DLG2: variants seen among roughly 807,000 people sequenced by gnomAD.
DLG2 encodes the protein discs large MAGUK scaffold protein 2, also known as disks large homolog 2.
In DLG2, 45 loss-of-function variants were observed where a neutral mutation model predicts 132.5. That is an observed-to-expected ratio of 0.34 (90% CI 0.27 to 0.44). DLG2 has a LOEUF of 0.44. DLG2 is among the 20% of genes least tolerant of loss of function. DLG2 has a pLI of 1.00. For synonymous variants in DLG2, 424 were observed against 419.6 expected (o/e 1.01, Z -0.13); for missense variants, 1,045 against 1,196.9 (o/e 0.87, Z 1.87).
chr11:84,798,470 G>A (rs537286017), intron 6 of DLG2, among the ~76,000 whole-genome samples: 104 of 152,284 alleles, frequency 6.8e-4, no homozygotes, highest in Non-Finnish European at 9.7e-4. Context: ...ACTGGCCCAT[G>A]GGGCATTCTG....
At chr11:85,044,992 G>A (rs1044745317) in intron 6 of DLG2, among the ~76,000 whole-genome samples, 4 of 151,958 alleles carry the variant, frequency 2.6e-5, no homozygotes, top group African/African-American at 9.7e-5. Context: ...AATTCATTTT[G>A]CTTTTCATGA....
At chr11:83,933,441 A>T (rs1446914558) in intron 14 of DLG2, among the ~76,000 whole-genome samples, 1 of 152,232 alleles carries the variant, frequency 6.6e-6, no homozygotes, top group Non-Finnish European at 1.5e-5. Context: ...AGAGCCATAG[A>T]TAATGACGTT....
chr11:84,020,544 A>G (rs935344153), intron 11 of DLG2, among the ~76,000 whole-genome samples: 5 of 152,222 alleles, frequency 3.3e-5, no homozygotes, highest in African/African-American at 1.2e-4. Context: ...CTGTAAATAA[A>G]ACAAGCTGAA....
At chr11:85,208,076 A>G (rs2152563982) in intron 4 of DLG2, among the ~76,000 whole-genome samples, 1 of 152,182 alleles carries the variant, frequency 6.6e-6, no homozygotes, top group Middle Eastern at 3.4e-3. Flanking sequence ...ATTATATTAG[A>G]TATTTTATAG....
chr11:84,768,272 C>T (rs1324543564), intron 6 of DLG2, among the ~76,000 whole-genome samples: 1 of 152,114 alleles, frequency 6.6e-6, no homozygotes, highest in African/African-American at 2.4e-5. Context: ...TATTCTATAG[C>T]TTATGACTTG....
At chr11:83,615,504 T>A (rs1467347113) in intron 19 of DLG2, among the ~76,000 whole-genome samples, 1 of 152,208 alleles carries the variant, frequency 6.6e-6, no homozygotes, top group East Asian at 1.9e-4. Context: ...CCCTGGAATC[T>A]GTAATATGTT....
At chr11:84,240,065 G>T (rs2097206915) in intron 8 of DLG2, among the ~76,000 whole-genome samples, 1 of 152,148 alleles carries the variant, frequency 6.6e-6, no homozygotes, top group Admixed American at 6.5e-5. Flanking sequence ...TAATCTTTGA[G>T]GTATGAGGGA....
chr11:85,058,639 T>C (rs2063708687), intron 6 of DLG2, among the ~76,000 whole-genome samples: 1 of 151,544 alleles, frequency 6.6e-6, no homozygotes, highest in East Asian at 1.9e-4. Context: ...ATTAAAACCT[T>C]ATGTACAGTA....
At chr11:84,454,469 G>C (rs1212204149) in intron 7 of DLG2, among the ~76,000 whole-genome samples, 1 of 151,384 alleles carries the variant, frequency 6.6e-6, no homozygotes, top group Non-Finnish European at 1.5e-5. Context: ...CCTAAAATAT[G>C]AGCCAGCAAG....
intron 9 of DLG2, among the ~76,000 whole-genome samples, chr11:84,156,124 A>C (rs2095423561): frequency 6.6e-6 from 1 of 152,186 alleles, no homozygotes; most frequent in African/African-American, 2.4e-5. Flanking sequence ...AAAATACAAA[A>C]GAGAAGGGAA....
Position 85,125,806 on chromosome 11 carries a change from TACAC to T in DLG2, c.283-14075_283-14072del, listed in dbSNP as rs71465021. ...AGTACCTTCAATGTCCCAGACATTA[TACAC>T]ACACACACACACACACACACACACA... On this transcript the variant is annotated intron_variant, in intron 5 of 27. Transcript: ENST00000376104. Among the ~76,000 whole-genome samples the T allele has an allele frequency of 5.8e-3, 856 of 148,614 alleles. 3 individuals are homozygous for T. The highest frequency in any genetic ancestry group is 7.2e-3 in the Non-Finnish European group (479 of 66,958).
chr11:83,620,726 C>G (rs528654272), intron 19 of DLG2, among the ~76,000 whole-genome samples: 2 of 150,814 alleles, frequency 1.3e-5, no homozygotes, highest in African/African-American at 4.9e-5. Context: ...AAAAATTAGC[C>G]GGGCGTAGTG....
At chr11:83,926,585 T>C (rs774371674) in intron 15 of DLG2, among the ~76,000 whole-genome samples, 7 of 152,094 alleles carry the variant, frequency 4.6e-5, no homozygotes, top group Non-Finnish European at 7.4e-5. Flanking sequence ...CTAAATAAAT[T>C]AATAGATATA....
intron 7 of DLG2, among the ~76,000 whole-genome samples, chr11:84,439,962 CATT>C (rs1452809570): frequency 6.6e-6 from 1 of 152,156 alleles, no homozygotes; most frequent in Non-Finnish European, 1.5e-5. Flanking sequence ...ATGGGACTGA[CATT>C]ATAATTTTTT....
At chr11:85,320,795 T>C (rs2081010788) in intron 3 of DLG2, among the ~76,000 whole-genome samples, 1 of 151,758 alleles carries the variant, frequency 6.6e-6, no homozygotes, top group South Asian at 2.1e-4. Flanking sequence ...CTATTCATGC[T>C]CAAGAATCAA....
At chr11:85,464,435 G>A (rs1292385870) in intron 3 of DLG2, among the ~76,000 whole-genome samples, 2 of 152,078 alleles carry the variant, frequency 1.3e-5, no homozygotes, top group Admixed American at 6.6e-5. Context: ...TGATTGTTGG[G>A]GATGAAATCA....
At chr11:83,709,513 G>T (rs1014838063) in intron 18 of DLG2, among the ~76,000 whole-genome samples, 1 of 151,924 alleles carries the variant, frequency 6.6e-6, no homozygotes, top group African/African-American at 2.4e-5. Flanking sequence ...AGGTGAATAT[G>T]GTGTTTCATT....
At chr11:84,638,751 A>G (rs1409172126) in intron 6 of DLG2, among the ~76,000 whole-genome samples, 1 of 152,128 alleles carries the variant, frequency 6.6e-6, no homozygotes, top group African/African-American at 2.4e-5. Flanking sequence ...AGAACTCTGT[A>G]TTATCTTCAG....
chr11:84,149,710 TAC>T (rs762293515), intron 9 of DLG2, among the ~76,000 whole-genome samples: 3 of 152,154 alleles, frequency 2.0e-5, no homozygotes, highest in Non-Finnish European at 4.4e-5. Flanking sequence ...CTTTTTTGGT[TAC>T]ATAAGAATTT....
Sources: gnomAD v4.1 joint callset for allele counts (sites outside exome capture counted in the v4.1 genomes callset) on GRCh38, gnomAD v4.1.1 for gene constraint, MANE v1.5 for transcripts, NCBI Gene and HGNC (gene_info 2026-07-23, HGNC 2026-07-21) for gene names.